Variants in NTRK2 observed in about 807,000 individuals in gnomAD.
NTRK2 encodes the protein BDNF/NT-3 growth factors receptor.
In NTRK2, 13 loss-of-function variants were observed where a neutral mutation model predicts 94.5. That is an observed-to-expected ratio of 0.14 (90% CI 0.09 to 0.22). The LOEUF is 0.22. Among genes scored for constraint, NTRK2 ranks in the 10% least tolerant of loss-of-function variants. The probability of loss-of-function intolerance (pLI) is 1.00; values close to 1 mark genes in which losing one functional copy is unlikely to be tolerated. For synonymous variants in NTRK2, 372 were observed against 407.4 expected, an observed-to-expected ratio of 0.91 and a Z score of 1.05; for missense variants, 639 against 1,071.2, an observed-to-expected ratio of 0.60 and a Z score of 5.63.
chr9:84,690,486 A>G (rs1402811076), intron 2 of NTRK2, among the ~76,000 whole-genome samples: 2 of 152,126 alleles, frequency 1.3e-5, no homozygotes, highest in Non-Finnish European at 2.9e-5. Context: ...TAAATGGGAA[A>G]TGTATTGGCT....
At chr9:84,880,191 T>C (rs1204467145) in intron 14 of NTRK2, among the ~76,000 whole-genome samples, 3 of 152,214 alleles carry the variant, frequency 2.0e-5, no homozygotes, top group Non-Finnish European at 4.4e-5. Context: ...TTAGCATATC[T>C]GATTTCCTAG....
chr9:84,694,779 TATCA>T (rs991243791), intron 2 of NTRK2, among the ~76,000 whole-genome samples: 1 of 152,130 alleles, frequency 6.6e-6, no homozygotes, highest in African/African-American at 2.4e-5. Flanking sequence ...AAATCTAATC[TATCA>T]ATCAATCATC....
chr9:84,761,263 C>T (rs774107140), intron 12 of NTRK2, among the ~76,000 whole-genome samples: 1 of 152,104 alleles, frequency 6.6e-6, no homozygotes, highest in Non-Finnish European at 1.5e-5. Context: ...TCTCTGTCTT[C>T]AGCGACAGTG....
intron 12 of NTRK2, among the ~76,000 whole-genome samples, chr9:84,794,122 C>T (rs1376272663): frequency 6.6e-6 from 1 of 152,166 alleles, no homozygotes; most frequent in Non-Finnish European, 1.5e-5. Context: ...GTATATCTGC[C>T]AGGACGCTGA....
intron 14 of NTRK2, among the ~76,000 whole-genome samples, chr9:84,900,703 C>T (rs1009653579): frequency 2.0e-5 from 3 of 152,096 alleles, no homozygotes; most frequent in African/African-American, 7.2e-5. Context: ...ATCATGAATA[C>T]CACCTTCTCC....
At chr9:84,984,145 G>A (rs1827998626) in intron 17 of NTRK2, among the ~76,000 whole-genome samples, 1 of 152,114 alleles carries the variant, frequency 6.6e-6, no homozygotes, top group African/African-American at 2.4e-5. Flanking sequence ...TTCAAACTCT[G>A]GCCTGAGTAA....
intron 12 of NTRK2, among the ~76,000 whole-genome samples, chr9:84,787,463 T>A (rs1368270305): frequency 6.6e-6 from 1 of 152,112 alleles, no homozygotes; most frequent in Non-Finnish European, 1.5e-5. Flanking sequence ...TCTTTATTCA[T>A]CCATAAAATT....
chr9:84,998,223 C>T lies in NTRK2; in HGVS notation c.2173-21983C>T, dbSNP rs150102072. Among the ~76,000 whole-genome samples, 149 of 152,312 alleles carry T rather than the reference C, an allele frequency of 9.8e-4. 1 individual carries two copies. Among genetic ancestry groups the T allele is most frequent in the African/African-American group, 3.4e-3 (141 of 41,582 alleles). On this transcript the variant is annotated intron_variant, in intron 17 of 18. Transcript: ENST00000277120. The stretch of plus-strand genomic sequence containing the variant: ...TTCCAGGCACAAGCAAGCAGTCAAT[C>T]ACATGGATACCAAAGAGTGGCTAGT...
At chr9:84,787,264 C>T (rs1221121483) in intron 12 of NTRK2, among the ~76,000 whole-genome samples, 1 of 152,106 alleles carries the variant, frequency 6.6e-6, no homozygotes, top group Non-Finnish European at 1.5e-5. Flanking sequence ...CACCACTGCA[C>T]TCCAGCCTGG....
At chr9:84,813,728 A>G (rs199830944) in intron 12 of NTRK2, 21 of 1,065,970 alleles carry the variant, frequency 2.0e-5, no homozygotes, top group Non-Finnish European at 2.4e-5. Context: ...ATCCTAGCAA[A>G]TCCTTCCTCC....
intron 12 of NTRK2, among the ~76,000 whole-genome samples, chr9:84,843,720 A>C (rs1225023750): frequency 1.3e-5 from 2 of 152,202 alleles, no homozygotes; most frequent in Non-Finnish European, 2.9e-5. Flanking sequence ...TATGCTATGC[A>C]CTATGTAGAA....
At position 84,671,923 on chromosome 9, in the gene NTRK2, T is replaced by C. The variant is rs182997819; in HGVS notation, c.212+963T>C. 1.6e-4 allele frequency among the ~76,000 whole-genome samples: 24 copies of C among 152,358 alleles called. No homozygotes were observed. In the East Asian group the frequency reaches 4.6e-3, roughly 29 times the overall value. ...CTACTGGACTGTTATTGTTATCATT[T>C]TTTTCCTGAAGGATGCTGTCATTCC... is the stretch of plus-strand genomic sequence containing the variant. On this transcript the variant is annotated intron_variant, in intron 2 of 18. Coordinates refer to ENST00000277120, the MANE Select transcript of NTRK2 (RefSeq NM_006180.6).
chr9:85,004,053 G>GAAAAGAAA (rs1316613240), intron 17 of NTRK2, among the ~76,000 whole-genome samples: 1 of 64,818 alleles, frequency 1.5e-5, no homozygotes, highest in African/African-American at 6.1e-5. Flanking sequence ...AAGGGAGAAA[G>GAAAAGAAA]AGAAAGAAAG....
chr9:84,833,872 A>G (rs2073718418), intron 12 of NTRK2, among the ~76,000 whole-genome samples: 1 of 152,214 alleles, frequency 6.6e-6, no homozygotes, highest in Non-Finnish European at 1.5e-5. Flanking sequence ...TTCTGGGGGC[A>G]GGACCATCAA....
At chr9:84,870,519 C>T (rs534957184) in intron 14 of NTRK2, among the ~76,000 whole-genome samples, 5 of 149,440 alleles carry the variant, frequency 3.3e-5, no homozygotes, top group Admixed American at 1.3e-4. Context: ...TTTTATTTTT[C>T]GTTTTCATTT....
intron 8 of NTRK2, among the ~76,000 whole-genome samples, chr9:84,725,141 A>C (rs1459766640): frequency 6.6e-6 from 1 of 152,168 alleles, no homozygotes; most frequent in African/African-American, 2.4e-5. Flanking sequence ...AATTTGGATG[A>C]GAAAAACATG....
At chr9:84,910,534 G>A (rs532568995) in intron 14 of NTRK2, among the ~76,000 whole-genome samples, 1 of 152,228 alleles carries the variant, frequency 6.6e-6, no homozygotes, top group Admixed American at 6.5e-5. Flanking sequence ...AATCCAGAGT[G>A]ATCTGATCTT....
chr9:84,700,778 G>A (rs544279777), intron 2 of NTRK2, among the ~76,000 whole-genome samples: 23 of 152,044 alleles, frequency 1.5e-4, no homozygotes, highest in African/African-American at 4.8e-4. Flanking sequence ...CTGCATATTT[G>A]TTTTCAGTGT....
Position 84,892,714 on chromosome 9 carries a change from A to C in NTRK2, c.1633+25283A>C, listed in dbSNP as rs565791819. On this transcript the variant is annotated intron_variant, in intron 14 of 18. Transcript: ENST00000277120. Reference sequence around the variant, plus strand: ...GGCAGGTGGAACACCTGAGGTCCGGAGTTCAGGACCAGCCTGGCCAACATG... The same window carrying C: ...GGCAGGTGGAACACCTGAGGTCCGGCGTTCAGGACCAGCCTGGCCAACATG... Among the ~76,000 whole-genome samples the C allele has an allele frequency of 4.6e-5, 7 of 152,340 alleles. No homozygotes were observed. In the South Asian group the frequency reaches 1.4e-3, roughly 32 times the overall value.
Sources: allele counts gnomAD v4.1 joint callset (sites outside exome capture counted in the v4.1 genomes callset), GRCh38; gene constraint gnomAD v4.1.1; transcripts MANE v1.5; gene names NCBI Gene and HGNC (gene_info 2026-07-23, HGNC 2026-07-21).